The following DDR2 variants were observed in gnomAD, a reference collection of about 807,000 sequenced individuals.
The protein encoded by DDR2 is discoidin domain-containing receptor 2.
Under a neutral mutation model 94.9 loss-of-function variants are expected in DDR2, and 27 were observed. The ratio of observed to expected loss-of-function variants is 0.28; its 90% CI spans 0.21 to 0.39. The LOEUF (loss-of-function observed/expected upper bound fraction) is 0.39. DDR2 is among the 10% of genes least tolerant of loss of function. DDR2 has a pLI of 1.00. For synonymous variants in DDR2, 382 were observed against 377.2 expected (o/e 1.01, Z -0.15); for missense variants, 783 against 1,076.0 (o/e 0.73, Z 3.81).
At chr1:162,728,465 G>A (rs1322191154) in intron 3 of DDR2, among the ~76,000 whole-genome samples, 1 of 151,894 alleles carries the variant, frequency 6.6e-6, no homozygotes, top group East Asian at 1.9e-4. Context: ...GATTATTGAG[G>A]GGTCATGAAG....
At chr1:162,705,845 A>T (rs1224695902) in intron 2 of DDR2, among the ~76,000 whole-genome samples, 3 of 152,334 alleles carry the variant, frequency 2.0e-5, no homozygotes, top group Middle Eastern at 3.4e-3. Flanking sequence ...AGGAAAATTC[A>T]TGTAAATCTT....
chr1:162,684,114 A>T (rs1293634799), intron 2 of DDR2, among the ~76,000 whole-genome samples: 2 of 152,330 alleles, frequency 1.3e-5, no homozygotes. Flanking sequence ...CTTATTTTTC[A>T]GAAAAGCTCT....
chr1:162,771,146 C>T (rs1664247736), intron 12 of DDR2, among the ~76,000 whole-genome samples: 1 of 152,142 alleles, frequency 6.6e-6, no homozygotes, highest in South Asian at 2.1e-4. Flanking sequence ...TAAGTAGTGT[C>T]AGTTGATTCA....
chr1:162,640,948 G>C (rs1457967060), intron 1 of DDR2, among the ~76,000 whole-genome samples: 1 of 152,044 alleles, frequency 6.6e-6, no homozygotes, highest in Non-Finnish European at 1.5e-5. Flanking sequence ...TAGAGATGAG[G>C]TTTCACTATG....
chr1:162,673,184 A>C (rs1012459949), intron 2 of DDR2, among the ~76,000 whole-genome samples: 2 of 152,216 alleles, frequency 1.3e-5, no homozygotes, highest in African/African-American at 4.8e-5. Context: ...TACATCATTA[A>C]AAAGTTTGTG....
chr1:162,641,955 A>G (rs1016888651), intron 1 of DDR2, among the ~76,000 whole-genome samples: 8 of 151,944 alleles, frequency 5.3e-5, no homozygotes, highest in Admixed American at 1.3e-4. Flanking sequence ...ATTTATATTT[A>G]TTTATTTATT....
intron 3 of DDR2, among the ~76,000 whole-genome samples, chr1:162,730,115 T>C (rs1661960080): frequency 1.3e-5 from 2 of 150,208 alleles, no homozygotes; most frequent in South Asian, 4.2e-4. Context: ...CAGAAAGATG[T>C]TGGGAAGCTG....
chr1:162,755,619 T>C (rs758962105), intron 6 of DDR2, 45 bp from the exon 7 acceptor site: 2 of 1,548,652 alleles, frequency 1.3e-6, no homozygotes, highest in Admixed American at 3.3e-5. Context: ...CCTGAGGTAA[T>C]GGGCCTGAGC....
rs1232116840 is a variant in DDR2, at chr1:162,766,004, C to T, written c.1103C>T (p.Ala368Val). ...ACTCACCCTTGTTTTATAACAGATG[C>T]TGCAATGTACAACAACTCTGAAGCC... ...MFSEITFQSD[A>V]AMYNNSEALP... Residue 368 changes from alanine to valine, a missense_variant, in exon 10 of 18, where the codon GCT becomes GTT. Around this residue, in one of 2 missense-constraint regions of DDR2, gnomAD observed 519 missense variants for 647.9 expected, o/e 0.80. Coordinates refer to ENST00000367921, the MANE Select transcript of DDR2 (RefSeq NM_006182.4). 1.2e-6 allele frequency: 2 copies of T among 1,613,892 alleles called. No homozygotes were observed. Among genetic ancestry groups the T allele is most frequent in the African/African-American group, 1.3e-5 (1 of 74,940 alleles).
At chr1:162,683,476 G>T (rs1249298969) in intron 2 of DDR2, among the ~76,000 whole-genome samples, 1 of 152,064 alleles carries the variant, frequency 6.6e-6, no homozygotes, top group Non-Finnish European at 1.5e-5. Context: ...ACTAATAAGA[G>T]ACCACAGGAT....
At chr1:162,639,894 T>A (rs74116777) in intron 1 of DDR2, among the ~76,000 whole-genome samples, 2 of 152,254 alleles carry the variant, frequency 1.3e-5, no homozygotes, top group Admixed American at 6.5e-5. Flanking sequence ...GAGGGAGGGA[T>A]AAATTGAACA....
intron 12 of DDR2, chr1:162,770,725 A>G: frequency 1.5e-6 from 1 of 687,270 alleles, no homozygotes; most frequent in Non-Finnish European, 2.7e-6. Context: ...GTGTGGAGGG[A>G]CCCACATACC....
intron 3 of DDR2, among the ~76,000 whole-genome samples, chr1:162,734,376 T>C (rs1662198006): frequency 6.6e-6 from 1 of 152,224 alleles, no homozygotes. Context: ...TATTGAGCAC[T>C]TGGTTAATGC....
chr1:162,687,815 C>A (rs1179433543), intron 2 of DDR2, among the ~76,000 whole-genome samples: 2 of 152,128 alleles, frequency 1.3e-5, no homozygotes, highest in Admixed American at 6.5e-5. Flanking sequence ...CCTGGTCCTG[C>A]AACAAATAAT....
chr1:162,631,761 A>G (rs534669345), upstream of DDR2, among the ~76,000 whole-genome samples: 1 of 152,320 alleles, frequency 6.6e-6, no homozygotes, highest in African/African-American at 2.4e-5. Context: ...GGGAAAAAAA[A>G]GTTCACAAAA....
chr1:162,746,403 T>C lies in DDR2; in HGVS notation c.83-6692T>C, dbSNP rs116774580. Among the ~76,000 whole-genome samples, 1,444 of 152,214 alleles carry C rather than the reference T, an allele frequency of 9.5e-3. 22 individuals are homozygous for C. The highest frequency in any genetic ancestry group is 0.033 in the African/African-American group (1,379 of 41,522). On this transcript the variant is annotated intron_variant, in intron 3 of 17. Coordinates refer to ENST00000367921, the MANE Select transcript of DDR2 (RefSeq NM_006182.4). ...ACCAGTCCGAGATCGAACTACAAGG[T>C]GGCAGCGAGGCTGGGGGAGGGGCCT... is the stretch of plus-strand genomic sequence containing the variant.
At chr1:162,688,766 G>A (rs1659814634) in intron 2 of DDR2, among the ~76,000 whole-genome samples, 1 of 152,200 alleles carries the variant, frequency 6.6e-6, no homozygotes, top group Non-Finnish European at 1.5e-5. Flanking sequence ...ATTCTGCCAG[G>A]AAACTGTCTG....
At chr1:162,756,930 A>C (rs936959559) in intron 7 of DDR2, among the ~76,000 whole-genome samples, 8 of 152,228 alleles carry the variant, frequency 5.3e-5, no homozygotes, top group African/African-American at 1.9e-4. Context: ...ATCAACTGTT[A>C]CTATATACAA....
chr1:162,780,441 A>G lies in DDR2; in HGVS notation c.*195A>G. 2.8e-6 allele frequency: 2 copies of G among 713,422 alleles called. No individual in the cohort carries two copies. Among genetic ancestry groups the G allele is most frequent in the Non-Finnish European group, 4.4e-6 (2 of 453,868 alleles). The allele number at this position is 713,422 out of a possible 1,614,324, so 44.2% of individuals were successfully genotyped here. On this transcript the variant is annotated 3_prime_UTR_variant, in exon 18 of 18. Transcript: ENST00000367921. ...TACACTTTTTTTTTTTTTTACATTA[A>G]AGAACTAAAAAAGGAAAAAAAAAAG...
Sources: allele counts gnomAD v4.1 joint callset (sites outside exome capture counted in the v4.1 genomes callset), GRCh38; gene constraint gnomAD v4.1.1; regional missense constraint gnomAD v4.1.1; transcripts MANE v1.5; gene names NCBI Gene and HGNC (gene_info 2026-07-23, HGNC 2026-07-21).